Variants in CCSER1 observed in about 807,000 individuals in gnomAD.
CCSER1 encodes the protein serine-rich coiled-coil domain-containing protein 1.
Under a neutral mutation model 82.0 loss-of-function variants are expected in CCSER1, and 41 were observed. The observed-to-expected ratio is 0.50, with a 90% CI of 0.39 to 0.65. The LOEUF (loss-of-function observed/expected upper bound fraction) is 0.65, where lower values mean the gene tolerates loss of function less well. Among genes scored for constraint, CCSER1 ranks in the 30% least tolerant of loss-of-function variants. The pLI is 0.00. For synonymous variants in CCSER1, 414 were observed against 383.9 expected, an observed-to-expected ratio of 1.08 and a Z score of -0.92; for missense variants, 1,119 against 1,064.2, an observed-to-expected ratio of 1.05 and a Z score of -0.72.
rs115862121 is a variant in CCSER1, at chr4:90,570,772, G to A, written c.1725-57253G>A. Among the ~76,000 whole-genome samples the A allele has an allele frequency of 6.1e-3, 936 of 152,214 alleles. 9 individuals carry two copies. Among genetic ancestry groups the A allele is most frequent in the African/African-American group, 0.021 (878 of 41,532 alleles). The stretch of plus-strand genomic sequence containing the variant: ...AGACCCACTGAAATACTGAAGGTAT[G>A]AGCATGGCAGAGTAAGAGCCTACTG... On this transcript the variant is annotated intron_variant, in intron 5 of 10. Transcript: ENST00000509176.
At chr4:91,288,526 G>C (rs1743495688) in intron 10 of CCSER1, among the ~76,000 whole-genome samples, 1 of 151,958 alleles carries the variant, frequency 6.6e-6, no homozygotes, top group African/African-American at 2.4e-5. Context: ...CCTGCTTACA[G>C]GCTCTTTATA....
chr4:90,254,344 C>G (rs1722895362), intron 1 of CCSER1, among the ~76,000 whole-genome samples: 1 of 152,150 alleles, frequency 6.6e-6, no homozygotes, highest in Non-Finnish European at 1.5e-5. Context: ...GGAATGACAG[C>G]CTTCTCTAAT....
intron 10 of CCSER1, among the ~76,000 whole-genome samples, chr4:91,101,136 C>G (rs994771395): frequency 6.6e-6 from 1 of 152,130 alleles, no homozygotes; most frequent in African/African-American, 2.4e-5. Context: ...ATAAGAAATC[C>G]ATTACATACA....
intron 10 of CCSER1, among the ~76,000 whole-genome samples, chr4:91,354,112 T>C (rs1022234938): frequency 1.3e-5 from 2 of 152,196 alleles, no homozygotes; most frequent in Non-Finnish European, 2.9e-5. Flanking sequence ...TTGACCAGTT[T>C]TATTAGCAAT....
In CCSER1 at chr4:91,059,497, G is replaced by A. The variant is rs1441305748; in HGVS notation, c.2173-26453G>A. ...TATAAGTCTCCAAAATACCAGTCCC[G>A]ATTTTGAATACTAAATTTCTTTCTA... On this transcript the variant is annotated intron_variant, in intron 9 of 10. Coordinates refer to ENST00000509176, the MANE Select transcript of CCSER1 (RefSeq NM_001145065.2). Among the ~76,000 whole-genome samples, 16 of 149,030 alleles carry A rather than the reference G, an allele frequency of 1.1e-4. No homozygotes were observed. The East Asian group carries it at 2.0e-3, about 18-fold the overall frequency.
At chr4:90,825,846 C>T (rs1760362679) in intron 8 of CCSER1, among the ~76,000 whole-genome samples, 1 of 151,000 alleles carries the variant, frequency 6.6e-6, no homozygotes, top group African/African-American at 2.4e-5. Flanking sequence ...TCTCCTGCCT[C>T]AGCCTCCTGA....
intron 4 of CCSER1, among the ~76,000 whole-genome samples, chr4:90,467,545 C>T (rs12331527): frequency 0.12 from 18,047 of 151,444 alleles, 1,617 homozygotes; most frequent in African/African-American, 0.25. Context: ...TTAGCTGACA[C>T]GGTGGCGGGC....
At chr4:90,630,898 T>TATG (rs1246668467) in intron 6 of CCSER1, among the ~76,000 whole-genome samples, 1 of 145,172 alleles carries the variant, frequency 6.9e-6, no homozygotes, top group Non-Finnish European at 1.5e-5. Context: ...TTATTATTAT[T>TATG]ATTATTATTA....
intron 10 of CCSER1, among the ~76,000 whole-genome samples, chr4:91,163,258 T>C (rs1463356176): frequency 1.3e-5 from 2 of 152,248 alleles, no homozygotes; most frequent in Admixed American, 6.5e-5. Context: ...AGTTTCTTAA[T>C]CCTGAGTTCT....
intron 10 of CCSER1, among the ~76,000 whole-genome samples, chr4:91,322,238 T>C (rs1746247320): frequency 6.6e-6 from 1 of 152,102 alleles, no homozygotes; most frequent in South Asian, 2.1e-4. Context: ...TTTAAGAATC[T>C]CTCCCCTCAC....
At chr4:90,841,164 T>C (rs953815826) in intron 8 of CCSER1, among the ~76,000 whole-genome samples, 6 of 152,224 alleles carry the variant, frequency 3.9e-5, no homozygotes, top group African/African-American at 1.4e-4. Context: ...GAGAATGGCA[T>C]GTCTTCTGAA....
At chr4:90,641,249 A>G (rs895794009) in intron 6 of CCSER1, among the ~76,000 whole-genome samples, 1 of 152,172 alleles carries the variant, frequency 6.6e-6, no homozygotes, top group African/African-American at 2.4e-5. Flanking sequence ...TGGAGTTAAA[A>G]ATATGCAAAC....
At chr4:91,437,141 A>G (rs1335144870) in intron 10 of CCSER1, among the ~76,000 whole-genome samples, 2 of 152,218 alleles carry the variant, frequency 1.3e-5, no homozygotes. Context: ...TTCAGAGAGA[A>G]AGGAAAATAT....
intron 5 of CCSER1, among the ~76,000 whole-genome samples, chr4:90,503,755 T>C (rs1338655192): frequency 6.6e-6 from 1 of 152,166 alleles, no homozygotes; most frequent in Non-Finnish European, 1.5e-5. Context: ...TCATTTTTTA[T>C]GGCTGCATAG....
At position 90,916,218 on chromosome 4, in the gene CCSER1, A is replaced by G. The variant is rs181745017; in HGVS notation, c.2095-7152A>G. 1.2e-4 allele frequency among the ~76,000 whole-genome samples: 19 copies of G among 152,194 alleles called. No individual in the cohort carries two copies. The East Asian group carries it at 3.1e-3, about 25-fold the overall frequency. The stretch of plus-strand genomic sequence containing the variant: ...GCCCGCATTGCCAAGTCAATCCTAA[A>G]CCAAAAGAACAAAGCTGGAGGCATC... On this transcript the variant is annotated intron_variant, in intron 8 of 10. Transcript: ENST00000509176.
intron 5 of CCSER1, among the ~76,000 whole-genome samples, chr4:90,470,714 C>G (rs893188637): frequency 3.5e-5 from 5 of 144,140 alleles, no homozygotes; most frequent in Admixed American, 7.0e-5. Flanking sequence ...TTCATTTTCT[C>G]CACAAATCCA....
At chr4:91,564,604 G>A (rs1029989308) in intron 10 of CCSER1, among the ~76,000 whole-genome samples, 1 of 151,846 alleles carries the variant, frequency 6.6e-6, no homozygotes, top group Non-Finnish European at 1.5e-5. Context: ...GTGTGAGATG[G>A]TGTCTTATTG....
chr4:90,785,427 G>A (rs1385571142), intron 7 of CCSER1, among the ~76,000 whole-genome samples: 33 of 152,154 alleles, frequency 2.2e-4, no homozygotes, highest in Admixed American at 2.2e-3. Context: ...GATGCTAGAT[G>A]TTGTGCAGCT....
chr4:90,722,545 T>C (rs1742853081), intron 6 of CCSER1, among the ~76,000 whole-genome samples: 1 of 151,834 alleles, frequency 6.6e-6, no homozygotes, highest in Non-Finnish European at 1.5e-5. Context: ...TCCGGATAAA[T>C]TTTGAAATTA....
Sources: allele counts gnomAD v4.1 joint callset (sites outside exome capture counted in the v4.1 genomes callset), GRCh38; gene constraint gnomAD v4.1.1; transcripts MANE v1.5; gene names NCBI Gene and HGNC (gene_info 2026-07-23, HGNC 2026-07-21).